The following CDKAL1 variants were observed in gnomAD, a reference collection of about 807,000 sequenced individuals.
CDKAL1 encodes threonylcarbamoyladenosine tRNA methylthiotransferase.
CDKAL1 carries 32 observed loss-of-function variants against 68.2 expected under a neutral mutation model. That is an observed-to-expected ratio of 0.47 (90% CI 0.35 to 0.63). The LOEUF is 0.63. Ranked by LOEUF, CDKAL1 falls within the 30% of genes least tolerant of loss-of-function variation. CDKAL1 has a pLI of 0.00. For missense variants in CDKAL1, 606 were observed against 696.7 expected (o/e 0.87, Z 1.47); for synonymous variants, 234 against 244.3 (o/e 0.96, Z 0.39).
At chr6:21,160,358 C>T (rs1210853979) in intron 13 of CDKAL1, among the ~76,000 whole-genome samples, 4 of 151,560 alleles carry the variant, frequency 2.6e-5, no homozygotes, top group African/African-American at 7.3e-5. Flanking sequence ...AGTACAGTGG[C>T]GCAATCTCGG....
chr6:20,573,039 T>G (rs1166053181), intron 4 of CDKAL1, among the ~76,000 whole-genome samples: 1 of 152,176 alleles, frequency 6.6e-6, no homozygotes, highest in African/African-American at 2.4e-5. Flanking sequence ...TATATTAACA[T>G]TTAAGTATTA....
chr6:20,753,642 C>T (rs1303048869), intron 6 of CDKAL1, among the ~76,000 whole-genome samples: 6 of 152,130 alleles, frequency 3.9e-5, no homozygotes, highest in African/African-American at 9.7e-5. Flanking sequence ...CTTAGTGATG[C>T]GTTGCTGTAT....
intron 5 of CDKAL1, among the ~76,000 whole-genome samples, chr6:20,730,124 A>C (rs1168970152): frequency 2.6e-5 from 4 of 152,060 alleles, no homozygotes; most frequent in African/African-American, 9.7e-5. Flanking sequence ...GTTTGAGACC[A>C]GGCTGGGCAA....
chr6:21,229,932 G>A (rs1779892509), intron 15 of CDKAL1, among the ~76,000 whole-genome samples: 1 of 152,150 alleles, frequency 6.6e-6, no homozygotes, highest in African/African-American at 2.4e-5. Context: ...GCACAGTCAG[G>A]TCCCCAGCTT....
Position 21,224,683 on chromosome 6 carries a change from A to G in CDKAL1, c.1549-6165A>G, listed in dbSNP as rs552029521. On this transcript the variant is annotated intron_variant, in intron 15 of 15. Coordinates refer to ENST00000274695, the MANE Select transcript of CDKAL1 (RefSeq NM_017774.3). ...CCTCCAGAAGAATGCCTCCCAGCCA[A>G]CACCTTGACATAGAACTTCTGACCT... Among the ~76,000 whole-genome samples, 13 of 152,288 alleles carry G rather than the reference A, an allele frequency of 8.5e-5. No homozygotes were observed. The South Asian group carries it at 1.2e-3, about 15-fold the overall frequency.
chr6:20,871,973 A>C (rs1760243949), intron 9 of CDKAL1, among the ~76,000 whole-genome samples: 1 of 152,172 alleles, frequency 6.6e-6, no homozygotes, highest in Non-Finnish European at 1.5e-5. Context: ...AATTTGGCCC[A>C]ATCTTGAGTA....
chr6:20,595,901 T>G (rs1459619365), intron 4 of CDKAL1, among the ~76,000 whole-genome samples: 1 of 152,188 alleles, frequency 6.6e-6, no homozygotes, highest in Non-Finnish European at 1.5e-5. Flanking sequence ...CCTTTCTGTT[T>G]GTTAATTTTC....
At chr6:20,815,591 T>C (rs912222867) in intron 8 of CDKAL1, among the ~76,000 whole-genome samples, 3 of 152,128 alleles carry the variant, frequency 2.0e-5, no homozygotes, top group African/African-American at 7.2e-5. Context: ...ATGCTTTGCT[T>C]CCTGATTAGT....
chr6:21,016,612 T>C (rs1022610970), intron 11 of CDKAL1, among the ~76,000 whole-genome samples: 6 of 144,106 alleles, frequency 4.2e-5, no homozygotes, highest in South Asian at 2.3e-4. Context: ...CGCCTTCCAT[T>C]CATCCATCCA....
intron 10 of CDKAL1, among the ~76,000 whole-genome samples, chr6:20,965,970 T>C (rs1427885465): frequency 6.6e-6 from 1 of 152,250 alleles, no homozygotes; most frequent in East Asian, 1.9e-4. Flanking sequence ...CGGTATTGAC[T>C]TCTTTGCTTT....
chr6:20,849,674 A>G (rs1758904303), intron 9 of CDKAL1, among the ~76,000 whole-genome samples: 1 of 152,000 alleles, frequency 6.6e-6, no homozygotes, highest in Non-Finnish European at 1.5e-5. Flanking sequence ...GGGTAAGAAT[A>G]TTGTAACATC....
intron 11 of CDKAL1, among the ~76,000 whole-genome samples, chr6:21,044,776 G>C (rs376975754): frequency 2.9e-4 from 43 of 147,392 alleles, no homozygotes; most frequent in African/African-American, 9.8e-4. Flanking sequence ...TTCTCAGAAG[G>C]TTGTTTTGAT....
rs147437951 is a variant in CDKAL1, at chr6:21,012,987, G to A, written c.1055+12615G>A. The stretch of plus-strand genomic sequence containing the variant: ...CTATAGGCAAAGGTCTTAACTGGAC[G>A]TAGTTTTGAACCTAAAGACCCTGTC... On this transcript the variant is annotated intron_variant, in intron 11 of 15. Coordinates refer to ENST00000274695, the MANE Select transcript of CDKAL1 (RefSeq NM_017774.3). Among the ~76,000 whole-genome samples the A allele has an allele frequency of 1.3e-4, 20 of 152,266 alleles. No individual in the cohort carries two copies. The East Asian group carries it at 2.7e-3, about 21-fold the overall frequency.
rs186267983 is a variant in CDKAL1 at position 21,198,799 on chromosome 6, A to T, written c.1383+695A>T. Among the ~76,000 whole-genome samples the T allele has an allele frequency of 9.4e-4, 143 of 152,230 alleles. 1 individual carries two copies. The highest frequency in any genetic ancestry group is 3.2e-3 in the African/African-American group (134 of 41,548). ...GTTGGCCTGCCTTTGCCCACCGAGG[A>T]GCCTGACTTCTGTTTCAGCATCAGG... On this transcript the variant is annotated intron_variant, in intron 14 of 15. Transcript: ENST00000274695.
chr6:20,875,819 A>G (rs1490887250), intron 9 of CDKAL1, among the ~76,000 whole-genome samples: 1 of 152,222 alleles, frequency 6.6e-6, no homozygotes, highest in Non-Finnish European at 1.5e-5. Context: ...TATTTGAAAC[A>G]TTTTGGTATG....
chr6:21,118,718 ATTCAACACTC>A (rs1414021039), intron 13 of CDKAL1, among the ~76,000 whole-genome samples: 1 of 152,228 alleles, frequency 6.6e-6, no homozygotes, highest in Non-Finnish European at 1.5e-5. Flanking sequence ...ATTTTCCATT[ATTCAACACTC>A]TGCCTTTGGG....
intron 8 of CDKAL1, among the ~76,000 whole-genome samples, chr6:20,826,591 T>C (rs1777512281): frequency 6.6e-6 from 1 of 152,150 alleles, no homozygotes; most frequent in African/African-American, 2.4e-5. Context: ...TTGTTTTTAA[T>C]AGATAAACGT....
chr6:20,893,248 C>T (rs1761504391), intron 9 of CDKAL1, among the ~76,000 whole-genome samples: 1 of 152,148 alleles, frequency 6.6e-6, no homozygotes, highest in Non-Finnish European at 1.5e-5. Context: ...AATCATGATT[C>T]ATTCAAGTTG....
intron 9 of CDKAL1, among the ~76,000 whole-genome samples, chr6:20,851,638 A>G (rs903393956): frequency 7.9e-5 from 12 of 152,148 alleles, no homozygotes; most frequent in African/African-American, 2.9e-4. Context: ...GGTAAAATAA[A>G]TTAGGATGAA....
Sources: allele counts gnomAD v4.1 joint callset (sites outside exome capture counted in the v4.1 genomes callset), GRCh38; gene constraint gnomAD v4.1.1; transcripts MANE v1.5; gene names NCBI Gene and HGNC (gene_info 2026-07-23, HGNC 2026-07-21).